The following ROBO2 variants were observed in gnomAD, a reference collection of about 807,000 sequenced individuals.
The protein encoded by ROBO2 is roundabout homolog 2.
In ROBO2, 53 loss-of-function variants were observed where a neutral mutation model predicts 160.8. That is an observed-to-expected ratio of 0.33 (90% CI 0.26 to 0.41). The LOEUF (loss-of-function observed/expected upper bound fraction) is 0.41, where lower values mean the gene tolerates loss of function less well. Ranked by LOEUF, ROBO2 falls within the 10% of genes least tolerant of loss-of-function variation. The pLI is 1.00. For synonymous variants in ROBO2, 664 were observed against 611.7 expected (o/e 1.09, Z -1.26); for missense variants, 1,577 against 1,722.4 (o/e 0.92, Z 1.49).
chr3:76,726,933 T>G (rs2093561222), intron 2 of ROBO2, among the ~76,000 whole-genome samples: 1 of 152,068 alleles, frequency 6.6e-6, no homozygotes, highest in East Asian at 1.9e-4. Flanking sequence ...AGAAAAGGGG[T>G]TCCGATGTGT....
At chr3:76,831,128 C>A (rs1400748142) in intron 2 of ROBO2, among the ~76,000 whole-genome samples, 1 of 152,040 alleles carries the variant, frequency 6.6e-6, no homozygotes, top group Non-Finnish European at 1.5e-5. Context: ...TTTTTGAGTC[C>A]AATTACCACA....
intron 2 of ROBO2, among the ~76,000 whole-genome samples, chr3:76,254,334 G>A (rs970453764): frequency 2.6e-5 from 4 of 152,094 alleles, no homozygotes; most frequent in African/African-American, 7.2e-5. Context: ...ACTAAATAAT[G>A]TCTTAAGTGA....
chr3:76,159,739 G>A (rs770224780), intron 2 of ROBO2, among the ~76,000 whole-genome samples: 43 of 152,116 alleles, frequency 2.8e-4, no homozygotes, highest in Non-Finnish European at 5.0e-4. Context: ...AAACACTTTT[G>A]TAAGTAATGA....
At chr3:76,098,328 T>C (rs1213327837) in intron 2 of ROBO2, among the ~76,000 whole-genome samples, 1 of 152,188 alleles carries the variant, frequency 6.6e-6, no homozygotes, top group Non-Finnish European at 1.5e-5. Flanking sequence ...TTTTCAAAAA[T>C]ACAAATTCAT....
intron 2 of ROBO2, among the ~76,000 whole-genome samples, chr3:76,040,549 CT>C (rs1198442501): frequency 6.6e-6 from 1 of 151,934 alleles, no homozygotes; most frequent in Non-Finnish European, 1.5e-5. Flanking sequence ...CAAAATTTCC[CT>C]GATAATTTTA....
At chr3:76,265,349 T>A (rs1031813393) in intron 2 of ROBO2, among the ~76,000 whole-genome samples, 1 of 152,196 alleles carries the variant, frequency 6.6e-6, no homozygotes, top group Non-Finnish European at 1.5e-5. Context: ...CTTGTGATAA[T>A]ATATTTGTTT....
At chr3:77,326,383 C>T (rs1012871288) in intron 2 of ROBO2, among the ~76,000 whole-genome samples, 4 of 152,188 alleles carry the variant, frequency 2.6e-5, no homozygotes, top group African/African-American at 4.8e-5. Context: ...CAGTTTACCA[C>T]TCTGTTGATC....
intron 2 of ROBO2, among the ~76,000 whole-genome samples, chr3:77,403,599 TGTG>T (rs2153514420): frequency 1.1e-5 from 1 of 90,696 alleles, no homozygotes; most frequent in East Asian, 3.8e-4. Context: ...TGTGTGTGTG[TGTG>T]TGTGTGTGTG....
chr3:76,888,441 T>C (rs1285515740), intron 2 of ROBO2, among the ~76,000 whole-genome samples: 4 of 152,008 alleles, frequency 2.6e-5, no homozygotes, highest in Non-Finnish European at 4.4e-5. Context: ...GCTTAATACT[T>C]ATTTTTCCAA....
At chr3:76,146,897 CA>C (rs1265580234) in intron 2 of ROBO2, among the ~76,000 whole-genome samples, 1 of 150,218 alleles carries the variant, frequency 6.7e-6, no homozygotes, top group Non-Finnish European at 1.5e-5. Context: ...CAAACACACA[CA>C]CACATACACA....
chr3:77,373,130 AAATT>A (rs1205739934), intron 2 of ROBO2, among the ~76,000 whole-genome samples: 1 of 147,208 alleles, frequency 6.8e-6, no homozygotes, highest in Non-Finnish European at 1.5e-5. Context: ...AAAAGTTATA[AAATT>A]ATTATAAAAA....
intron 2 of ROBO2, among the ~76,000 whole-genome samples, chr3:76,796,734 C>T (rs969373993): frequency 1.3e-5 from 2 of 151,886 alleles, no homozygotes; most frequent in African/African-American, 4.8e-5. Flanking sequence ...CAAATGTAGA[C>T]TCTAAATAAA....
chr3:77,223,713 C>T (rs76599017), intron 2 of ROBO2, among the ~76,000 whole-genome samples: 1 of 151,994 alleles, frequency 6.6e-6, no homozygotes, highest in Non-Finnish European at 1.5e-5. Flanking sequence ...AGAAAAATCA[C>T]TTTTGAAATC....
rs1559761668 is a variant in ROBO2, at chr3:76,322,205, A to ATATAT, written c.109+384607_109+384608insTTATA. On this transcript the variant is annotated intron_variant, in intron 2 of 26. Coordinates refer to the ROBO2 transcript ENST00000487694. ...ATATATATATATATATATATATATA[A>ATATAT]TATACACACACATATATACACACAG... Among the ~76,000 whole-genome samples the ATATAT allele has an allele frequency of 1.1e-3, 112 of 97,552 alleles. No individual in the cohort carries two copies. The South Asian group carries it at 0.012, about 11-fold the overall frequency. 64.0% of individuals were successfully genotyped at this position (97,552 alleles called of 152,430 possible). A position where few individuals can be genotyped will look rare whatever the true frequency, so the allele number is the denominator to read the frequency against.
At chr3:76,187,904 T>C (rs1239145299) in intron 2 of ROBO2, among the ~76,000 whole-genome samples, 2 of 152,142 alleles carry the variant, frequency 1.3e-5, no homozygotes, top group East Asian at 3.9e-4. Flanking sequence ...CCTATTGCAC[T>C]CATGGTAACA....
chr3:77,416,716 C>CAAA (rs61204363), intron 2 of ROBO2, among the ~76,000 whole-genome samples: 21 of 89,960 alleles, frequency 2.3e-4, no homozygotes, highest in East Asian at 6.4e-4. Context: ...GATTCCATCT[C>CAAA]AAAAAAAAAA....
chr3:76,150,634 T>G lies in ROBO2; in HGVS notation c.109+213032T>G, dbSNP rs753321318. Among the ~76,000 whole-genome samples, 290 of 152,292 alleles carry G rather than the reference T, an allele frequency of 1.9e-3. 3 individuals are homozygous for G. Among genetic ancestry groups the G allele is most frequent in the Non-Finnish European group, 1.6e-3 (107 of 68,020 alleles). On this transcript the variant is annotated intron_variant, in intron 2 of 26. Coordinates refer to the ROBO2 transcript ENST00000487694. Reference sequence around the variant, plus strand: ...ATCCCTAGGTCACCACATGGCTAATTCTTACTTTCCTTAATATTCACTCAA... The same window carrying G: ...ATCCCTAGGTCACCACATGGCTAATGCTTACTTTCCTTAATATTCACTCAA...
At chr3:76,005,188 G>C (rs1020282582) in intron 2 of ROBO2, among the ~76,000 whole-genome samples, 3 of 152,140 alleles carry the variant, frequency 2.0e-5, no homozygotes. Flanking sequence ...TAGCAGCACA[G>C]ACTGAATGGA....
chr3:76,093,146 T>C lies in ROBO2; in HGVS notation c.109+155544T>C, dbSNP rs555149135. Among the ~76,000 whole-genome samples the C allele has an allele frequency of 6.6e-5, 10 of 152,302 alleles. No individual in the cohort carries two copies. The East Asian group carries it at 1.7e-3, about 26-fold the overall frequency. On this transcript the variant is annotated intron_variant, in intron 2 of 26. Coordinates refer to the ROBO2 transcript ENST00000487694. ...TATTTGTCTTCTGGTGTAATCATCA[T>C]TGTGTTTCTGTTGTCTTTATGTGAA...
Sources: allele counts gnomAD v4.1 joint callset (sites outside exome capture counted in the v4.1 genomes callset), GRCh38; gene constraint gnomAD v4.1.1; transcripts MANE v1.5; gene names NCBI Gene and HGNC (gene_info 2026-07-23, HGNC 2026-07-21).